IL20RA: variants seen among roughly 807,000 people sequenced by gnomAD.
IL20RA encodes interleukin 20 receptor subunit alpha, also known as interleukin-20 receptor subunit alpha.
IL20RA carries 29 observed loss-of-function variants against 36.5 expected under a neutral mutation model. That is an observed-to-expected ratio of 0.79 (90% CI 0.59 to 1.08). The LOEUF is 1.08. Ranked by LOEUF, IL20RA falls within the 50% of genes least tolerant of loss-of-function variation. The pLI is 0.00. For missense variants in IL20RA, 652 were observed against 668.4 expected, an observed-to-expected ratio of 0.98 and a Z score of 0.27; for synonymous variants, 279 against 267.1, an observed-to-expected ratio of 1.04 and a Z score of -0.43.
intron 1 of IL20RA, among the ~76,000 whole-genome samples, chr6:137,018,513 C>CGTGTGTGT (rs3842115): frequency 0.057 from 8,209 of 142,826 alleles, 369 homozygotes; most frequent in East Asian, 0.23. Context: ...CTGCCGTGTG[C>CGTGTGTGT]GTGTGTGTGT....
chr6:137,043,213 G>A (rs1776765730), intron 1 of IL20RA, among the ~76,000 whole-genome samples: 1 of 152,128 alleles, frequency 6.6e-6, no homozygotes, highest in African/African-American at 2.4e-5. Context: ...GGCACACGGA[G>A]TAGCTAGGAC....
chr6:137,044,613 C>A (rs1021499933), intron 1 of IL20RA, 28 bp downstream of exon 1: 2 of 1,220,488 alleles, frequency 1.6e-6, no homozygotes, highest in Non-Finnish European at 2.0e-6. Context: ...GCATCCCCGA[C>A]CCGCACCTGG....
intron 1 of IL20RA, among the ~76,000 whole-genome samples, chr6:137,043,773 C>A (rs967976697): frequency 3.9e-5 from 6 of 152,118 alleles, no homozygotes; most frequent in Non-Finnish European, 7.4e-5. Context: ...TTTGGAGAAG[C>A]TTTGTTGTTG....
At position 137,035,691 on chromosome 6, in the gene IL20RA, G is replaced by A. The variant is rs577487232; in HGVS notation, c.88+8950C>T. ...TGAAAACTCAAAATGGATGCATGGGGTATTGAGGTAATCCTATTTTGTTAA... is the reference window on the plus strand; with the variant it reads ...TGAAAACTCAAAATGGATGCATGGGATATTGAGGTAATCCTATTTTGTTAA... On this transcript the variant is annotated intron_variant, in intron 1 of 6. Transcript: ENST00000316649. Among the ~76,000 whole-genome samples the A allele has an allele frequency of 8.5e-5, 13 of 152,286 alleles. No homozygotes were observed. The South Asian group carries it at 1.9e-3, about 22-fold the overall frequency.
In IL20RA at chr6:137,001,335, C is replaced by T. The variant is rs973899371; in HGVS notation, c.*223G>A. 13 of 413,828 alleles carry T rather than the reference C, an allele frequency of 3.1e-5. No homozygotes were observed. The highest frequency in any genetic ancestry group is 8.0e-5 in the Admixed American group (2 of 25,046). 25.6% of individuals were successfully genotyped at this position (413,828 alleles called of 1,614,324 possible). On this transcript the variant is annotated 3_prime_UTR_variant, in exon 7 of 7. Coordinates refer to ENST00000316649, the MANE Select transcript of IL20RA (RefSeq NM_014432.4). Reference sequence around the variant, plus strand: ...GACTGCTTTCTCTGCATAGAACAACCGGCCAGCCCCTGGACTCCAGAGGCC... The same window carrying T: ...GACTGCTTTCTCTGCATAGAACAACTGGCCAGCCCCTGGACTCCAGAGGCC...
At position 137,001,647 on chromosome 6, in the gene IL20RA, G is replaced by A. The variant is rs1387079113; in HGVS notation, c.1573C>T (p.Pro525Ser). 5.0e-6 allele frequency: 8 copies of A among 1,613,692 alleles called. No homozygotes were observed. The highest frequency in any genetic ancestry group is 6.8e-6 in the Non-Finnish European group (8 of 1,179,752). Residue 525 changes from proline to serine, a missense_variant, in exon 7 of 7, where the codon CCG (proline) becomes TCG (serine). By Grantham distance (74) the Pro-to-Ser change is moderately conservative. Coordinates refer to ENST00000316649, the MANE Select transcript of IL20RA (RefSeq NM_014432.4). Reference protein sequence around the residue: ...EGLLSRLYEEPAPDRPPGENE... With the variant: ...EGLLSRLYEESAPDRPPGENE... ...TCTCCTGGTGGCCTGTCTGGAGCCG[G>A]CTCCTCATAGAGTCTAGATAGAAGA...
At chr6:137,026,246 C>T (rs1776085770) in intron 1 of IL20RA, among the ~76,000 whole-genome samples, 1 of 152,178 alleles carries the variant, frequency 6.6e-6, no homozygotes, top group African/African-American at 2.4e-5. Flanking sequence ...TGTTGGACAC[C>T]AGGTCTTATA....
At chr6:137,013,576 T>G (rs774889578) in intron 2 of IL20RA, among the ~76,000 whole-genome samples, 1 of 152,208 alleles carries the variant, frequency 6.6e-6, no homozygotes, top group African/African-American at 2.4e-5. Flanking sequence ...ACATGACTAG[T>G]AAACAGCATT....
intron 1 of IL20RA, among the ~76,000 whole-genome samples, chr6:137,035,911 C>T (rs531210736): frequency 7.2e-5 from 11 of 152,300 alleles, no homozygotes; most frequent in East Asian, 3.9e-4. Flanking sequence ...TGGGTAGTTA[C>T]GCCTTACATA....
At position 137,044,847 on chromosome 6, in the gene IL20RA, C is replaced by T; in HGVS notation, c.-119G>A. On this transcript the variant is annotated 5_prime_UTR_variant, in exon 1 of 7. Transcript: ENST00000316649. ...GCCTGGGGCTCTGCGTGCCACGCTCCAGGCGACCTGAGTCCCAGGGCGCCT... is the reference window on the plus strand; with the variant it reads ...GCCTGGGGCTCTGCGTGCCACGCTCTAGGCGACCTGAGTCCCAGGGCGCCT... The T allele has an allele frequency of 1.0e-6, 1 of 988,074 alleles. No individual in the cohort carries two copies. Among genetic ancestry groups the T allele is most frequent in the African/African-American group, 1.7e-5 (1 of 59,020 alleles). The allele number at this position is 988,074 out of a possible 1,614,324, so 61.2% of individuals were successfully genotyped here. A position where few individuals can be genotyped will look rare whatever the true frequency, so the allele number is the denominator to read the frequency against.
chr6:137,025,814 A>G (rs1776065933), intron 1 of IL20RA, among the ~76,000 whole-genome samples: 1 of 152,228 alleles, frequency 6.6e-6, no homozygotes, highest in African/African-American at 2.4e-5. Flanking sequence ...TATGTCTGAC[A>G]GTAAAAGTTG....
chr6:137,044,448 A>C, intron 1 of IL20RA, 193 bp downstream of exon 1: 2 of 822,020 alleles, frequency 2.4e-6, no homozygotes, highest in East Asian at 4.1e-5. Context: ...GCGCGAGGCG[A>C]CGGCGAGTGT....
chr6:137,044,351 C>A, intron 1 of IL20RA: 3 of 1,064,912 alleles, frequency 2.8e-6, no homozygotes, highest in Non-Finnish European at 3.4e-6. Flanking sequence ...GAGCGCACCC[C>A]CCACCGAACT....
In IL20RA at chr6:137,001,879, C is replaced by T; in HGVS notation, c.1341G>A (p.Gln447=). The part of the protein sequence containing the change: ...ALAVLGPQTL[Q]YSYTPQLQDL... ...CTTGGAGCTGAGGGGTGTATGAGTA[C>T]TGTAACGTTTGCGGGCCCAAGACTG... The change falls in exon 7 of 7, where the codon CAG becomes CAA. Residue 447 remains glutamine (Q), a synonymous_variant. Coordinates refer to ENST00000316649, the MANE Select transcript of IL20RA (RefSeq NM_014432.4). The T allele has an allele frequency of 6.2e-7, 1 of 1,613,764 alleles. No individual in the cohort carries two copies. Among genetic ancestry groups the T allele is most frequent in the South Asian group, 1.1e-5 (1 of 90,982 alleles).
chr6:137,012,405 C>T (rs1775531619), intron 2 of IL20RA, among the ~76,000 whole-genome samples: 1 of 152,072 alleles, frequency 6.6e-6, no homozygotes, highest in African/African-American at 2.4e-5. Context: ...GTGATATTTA[C>T]TACGAAAAAG....
chr6:137,042,453 C>T (rs950857397), intron 1 of IL20RA, among the ~76,000 whole-genome samples: 2 of 152,166 alleles, frequency 1.3e-5, no homozygotes, highest in African/African-American at 2.4e-5. Context: ...GGTTCTTTAT[C>T]GTTCCTGAGA....
At chr6:137,013,552 A>T (rs919099669) in intron 2 of IL20RA, among the ~76,000 whole-genome samples, 1 of 152,192 alleles carries the variant, frequency 6.6e-6, no homozygotes, top group Non-Finnish European at 1.5e-5. Context: ...AGATTAAGGG[A>T]TCCACTCAAA....
intron 2 of IL20RA, among the ~76,000 whole-genome samples, chr6:137,014,722 T>C (rs978599922): frequency 6.6e-6 from 1 of 152,110 alleles, no homozygotes; most frequent in Non-Finnish European, 1.5e-5. Context: ...TTCCACCTTA[T>C]ATTATTGTTT....
At chr6:137,016,108 T>C (rs1775673824) in intron 2 of IL20RA, among the ~76,000 whole-genome samples, 1 of 152,188 alleles carries the variant, frequency 6.6e-6, no homozygotes, top group Non-Finnish European at 1.5e-5. Context: ...TCCCAGCCAG[T>C]GCCACCTCCC....
Sources: gnomAD v4.1 joint callset for allele counts (sites outside exome capture counted in the v4.1 genomes callset) on GRCh38, gnomAD v4.1.1 for gene constraint, MANE v1.5 for transcripts, NCBI Gene and HGNC (gene_info 2026-07-23, HGNC 2026-07-21) for gene names.